The following GCN1 variants were observed in gnomAD, a reference collection of about 807,000 sequenced individuals.
The protein encoded by GCN1 is stalled ribosome sensor GCN1.
A neutral mutation model predicts 288.4 loss-of-function variants in GCN1; 90 were observed. The observed-to-expected ratio is 0.31, with a 90% CI of 0.26 to 0.37. The LOEUF is 0.37. GCN1 is among the 10% of genes least tolerant of loss of function. The pLI is 1.00. For synonymous variants in GCN1, 1,386 were observed against 1,420.2 expected (o/e 0.98, Z 0.54); for missense variants, 2,586 against 3,419.9 (o/e 0.76, Z 6.08).
intron 14 of GCN1, among the ~76,000 whole-genome samples, chr12:120,172,376 G>A (rs929382798): frequency 1.3e-5 from 2 of 152,168 alleles, no homozygotes; most frequent in African/African-American, 4.8e-5. Context: ...TTTCAAATCA[G>A]TGCAAAAATC....
intron 24 of GCN1, among the ~76,000 whole-genome samples, chr12:120,159,326 C>T (rs1877854354): frequency 6.6e-6 from 1 of 152,190 alleles, no homozygotes; most frequent in Admixed American, 6.5e-5. Context: ...GTGGGAACAT[C>T]ACCGTTAGGC....
chr12:120,175,644 C>T (rs1878457610), intron 11 of GCN1, 102 bp downstream of exon 11: 6 of 1,258,012 alleles, frequency 4.8e-6, no homozygotes, highest in Middle Eastern at 2.2e-4. Context: ...CACAGCCTTG[C>T]CACAGGCAGA....
rs1039434797 is a variant in GCN1, at chr12:120,173,986, G to A, written c.1192+85C>T. The A allele has an allele frequency of 3.6e-5, 37 of 1,037,528 alleles. No individual in the cohort carries two copies. The Middle Eastern group carries it at 1.6e-3, about 45-fold the overall frequency. The allele number at this position is 1,037,528 out of a possible 1,614,324, so 64.3% of individuals were successfully genotyped here. ...TGAGGGAGGTGTGTCTTTAGGAGAG[G>A]TTTATGGAAGGAAAGCTCCAACTGT... On this transcript the variant is annotated intron_variant, in intron 13 of 57. Transcript: ENST00000300648.
intron 38 of GCN1, among the ~76,000 whole-genome samples, chr12:120,146,527 G>C (rs1326344700): frequency 6.6e-6 from 1 of 151,620 alleles, no homozygotes; most frequent in African/African-American, 2.4e-5. Context: ...CACCAAGCCT[G>C]GTCTGTTTTT....
Position 120,152,391 on chromosome 12 carries a change from A to G in GCN1, c.4062+822T>C, listed in dbSNP as rs867930152. ...AAATGCAAACCACACACACACGCGCACACACACACACACACACACAAAATA... is the reference window on the plus strand; with the variant it reads ...AAATGCAAACCACACACACACGCGCGCACACACACACACACACACAAAATA... On this transcript the variant is annotated intron_variant, in intron 33 of 57. Coordinates refer to ENST00000300648, the MANE Select transcript of GCN1 (RefSeq NM_006836.2). Among the ~76,000 whole-genome samples, 215 of 125,636 alleles carry G rather than the reference A, an allele frequency of 1.7e-3. 1 individual carries two copies. Among genetic ancestry groups the G allele is most frequent in the African/African-American group, 5.6e-3 (161 of 28,876 alleles). 82.4% of individuals were successfully genotyped at this position (125,636 alleles called of 152,430 possible). A position where few individuals can be genotyped will look rare whatever the true frequency, so the allele number is the denominator to read the frequency against.
At chr12:120,140,251 C>T (rs1877145690) in intron 45 of GCN1, among the ~76,000 whole-genome samples, 3 of 152,180 alleles carry the variant, frequency 2.0e-5, no homozygotes, top group Non-Finnish European at 2.9e-5. Flanking sequence ...CATCCAAACA[C>T]GAAGGCAGTG....
intron 5 of GCN1, among the ~76,000 whole-genome samples, chr12:120,181,408 T>C (rs560658946): frequency 7.7e-6 from 1 of 129,202 alleles, no homozygotes; most frequent in South Asian, 2.4e-4. Context: ...AAGGCTGCAG[T>C]GAGCTGAGAT....
intron 16 of GCN1, among the ~76,000 whole-genome samples, chr12:120,165,991 C>T (rs1878109804): frequency 6.6e-6 from 1 of 152,074 alleles, no homozygotes; most frequent in Non-Finnish European, 1.5e-5. Context: ...AGGGTTTCAC[C>T]ATGTTGGCCA....
In GCN1 at chr12:120,160,196, C is replaced by A; in HGVS notation, c.2496G>T (p.Glu832Asp). 3 of 1,612,436 alleles carry A rather than the reference C, an allele frequency of 1.9e-6. No homozygotes were observed. In the South Asian group the frequency reaches 3.3e-5, roughly 18 times the overall value. The change falls in exon 23 of 58, where the codon GAG becomes GAT. Residue 832 changes from glutamate to aspartate, a missense_variant. Transcript: ENST00000300648. ...EEVQLTSKQK[E>D]MLQAQLDREA... ...CCCTGTCTAGCTGGGCCTGCAGCAT[C>A]TCCTTCTGCTTGCTGGTCAGCTGCA...
Position 120,183,622 on chromosome 12 carries a change from G to A in GCN1, c.373C>T (p.Arg125Cys), listed in dbSNP as rs184158504. Reference sequence around the variant, plus strand: ...TTGGCTCTCGATGGAAAGACAATGCGCACCAGGAGGCAGGTCCAGGTCAAG... The same window carrying A: ...TTGGCTCTCGATGGAAAGACAATGCACACCAGGAGGCAGGTCCAGGTCAAG... ...LALTWTCLLV[R>C]IVFPSRAKRQ... Residue 125 changes from arginine (R) to cysteine (C), a missense_variant, in exon 5 of 58, where the codon CGC becomes TGC. By Grantham distance (180) the Arg-to-Cys change is radical. This residue lies in a region of GCN1 where 913 missense variants were observed against 1,107.0 expected (regional missense o/e 0.82). Coordinates refer to ENST00000300648, the MANE Select transcript of GCN1 (RefSeq NM_006836.2). The A allele has an allele frequency of 5.5e-4, 895 of 1,613,724 alleles. 2 individuals are homozygous for A. The highest frequency in any genetic ancestry group is 6.4e-4 in the Non-Finnish European group (755 of 1,179,666).
At position 120,137,290 on chromosome 12, in the gene GCN1, G is replaced by A; in HGVS notation, c.6693C>T (p.Leu2231=). 1 of 1,614,102 alleles carries A rather than the reference G, an allele frequency of 6.2e-7. No individual in the cohort carries two copies. Residue 2231 remains leucine, a synonymous_variant, in exon 50 of 58, where the codon CTC becomes CTT. Transcript: ENST00000300648. This position sits in a 1 kb window ranked among gnomAD's most constrained non-coding sequence, Gnocchi z 5.2. ...KKLDAGNQLA[L]IEELHKEIRL... is the part of the protein sequence containing the mutation. ...GGATTTCCTTGTGCAGCTCTTCAAT[G>A]AGTGCCAACTGGTTGCCAGCATCCA...
Position 120,145,404 on chromosome 12 carries a change from T to G in GCN1, c.4948-74A>C. 2.7e-6 allele frequency: 3 copies of G among 1,123,824 alleles called. No homozygotes were observed. The South Asian group carries it at 5.3e-5, about 20-fold the overall frequency. 69.6% of individuals were successfully genotyped at this position (1,123,824 alleles called of 1,614,324 possible). ...TCCAGGCCTGTTCCACTGTGGACCC[T>G]GACCTCCCCATTCTGCTGGCAAGGA... On this transcript the variant is annotated intron_variant, in intron 38 of 57. Coordinates refer to ENST00000300648, the MANE Select transcript of GCN1 (RefSeq NM_006836.2).
At position 120,153,689 on chromosome 12, in the gene GCN1, C is replaced by A. The variant is rs944582761; in HGVS notation, c.3867+55G>T. The stretch of plus-strand genomic sequence containing the variant: ...GCGCCTGCCTCCCGTGTCTCCTTAG[C>A]GGGCTGGGACCCCCTTACCTTCCCG... On this transcript the variant is annotated intron_variant, in intron 32 of 57. Transcript: ENST00000300648. The surrounding 1 kb of genome is among the most constrained non-coding windows in gnomAD (Gnocchi z 4.4). 6.5e-7 allele frequency: 1 copy of A among 1,542,942 alleles called. No individual in the cohort carries two copies. Among genetic ancestry groups the A allele is most frequent in the Non-Finnish European group, 8.9e-7 (1 of 1,123,448 alleles).
rs773179305 is a variant in GCN1, at chr12:120,174,108, G to A, written c.1155C>T (p.Ile385=). 17 of 1,608,074 alleles carry A rather than the reference G, an allele frequency of 1.1e-5. No homozygotes were observed. Among genetic ancestry groups the A allele is most frequent in the East Asian group, 2.2e-5 (1 of 44,864 alleles). ...SGPSSQVLNG[I]VAELFIPFLQ... The stretch of plus-strand genomic sequence containing the variant: ...GGAACGGGATGAACAGCTCAGCCAC[G>A]ATCCCATTCAGGACCTGACTGGAAG... Residue 385 remains isoleucine (I), a synonymous_variant, in exon 13 of 58, where the codon ATC becomes ATT. Coordinates refer to ENST00000300648, the MANE Select transcript of GCN1 (RefSeq NM_006836.2).
intron 37 of GCN1, among the ~76,000 whole-genome samples, chr12:120,147,594 T>C (rs560831176): frequency 2.0e-5 from 3 of 152,384 alleles, no homozygotes; most frequent in Admixed American, 6.5e-5. Context: ...GAGAAGTGTG[T>C]TGAAATCTCC....
intron 16 of GCN1, among the ~76,000 whole-genome samples, chr12:120,165,490 CAG>C (rs1272001759): frequency 2.6e-5 from 4 of 151,606 alleles, no homozygotes; most frequent in African/African-American, 7.3e-5. Flanking sequence ...TTTTTTGAGA[CAG>C]AGTCTCGCTA....
Position 120,129,600 on chromosome 12 carries a change from C to G in GCN1, c.7672-106G>C, listed in dbSNP as rs1415826594. 4.8e-6 allele frequency: 4 copies of G among 828,994 alleles called. No individual in the cohort carries two copies. In the African/African-American group the frequency reaches 5.2e-5, roughly 11 times the overall value. 51.4% of individuals were successfully genotyped at this position (828,994 alleles called of 1,614,324 possible). ...CTCTCCCTACAGCATGAACACTGACCCCCCCTGCTCCTGTGGGAGGGTCCC... is the reference window on the plus strand; with the variant it reads ...CTCTCCCTACAGCATGAACACTGACGCCCCCTGCTCCTGTGGGAGGGTCCC... On this transcript the variant is annotated intron_variant, in intron 56 of 57. Coordinates refer to ENST00000300648, the MANE Select transcript of GCN1 (RefSeq NM_006836.2).
Position 120,155,551 on chromosome 12 carries a change from AGAG to A in GCN1, c.3440+38_3440+40del. The stretch of plus-strand genomic sequence containing the variant: ...GGGTTCAGTTATTTCCTAAAGGAAG[AGAG>A]GATGCAGCAGGAGAAAGCGACATGC... On this transcript the variant is annotated intron_variant, in intron 29 of 57. Coordinates refer to ENST00000300648, the MANE Select transcript of GCN1 (RefSeq NM_006836.2). The surrounding 1 kb of genome is among the most constrained non-coding windows in gnomAD (Gnocchi z 4.9). 3.1e-6 allele frequency: 5 copies of A among 1,612,720 alleles called. No homozygotes were observed. The highest frequency in any genetic ancestry group is 4.2e-6 in the Non-Finnish European group (5 of 1,178,870).
At chr12:120,179,378 G>A (rs1486808579) in intron 5 of GCN1, among the ~76,000 whole-genome samples, 4 of 149,350 alleles carry the variant, frequency 2.7e-5, no homozygotes, top group African/African-American at 7.4e-5. Flanking sequence ...CTACAGGTGC[G>A]TGCCACCATG....
Sources: gnomAD v4.1 joint callset for allele counts (sites outside exome capture counted in the v4.1 genomes callset) on GRCh38, gnomAD v4.1.1 for gene constraint, gnomAD v4.1.1 regional missense constraint, Gnocchi (gnomAD v3.1) non-coding constraint, MANE v1.5 for transcripts, NCBI Gene and HGNC (gene_info 2026-07-23, HGNC 2026-07-21) for gene names.